Variants in KCNT2 observed in about 807,000 individuals in gnomAD.
KCNT2 encodes the protein potassium sodium-activated channel subfamily T member 2, also known as potassium channel subfamily T member 2.
Under a neutral mutation model 153.8 loss-of-function variants are expected in KCNT2, and 67 were observed. The ratio of observed to expected loss-of-function variants is 0.44; its 90% CI spans 0.36 to 0.53. KCNT2 has a LOEUF of 0.53. Ranked by LOEUF, KCNT2 falls within the 20% of genes least tolerant of loss-of-function variation. KCNT2 has a pLI of 0.00. For synonymous variants in KCNT2, 500 were observed against 458.8 expected (o/e 1.09, Z -1.15); for missense variants, 975 against 1,354.8 (o/e 0.72, Z 4.40).
rs754184253 is a variant in KCNT2, at chr1:196,428,289, T to G, written c.820-20A>C. 2.3e-5 allele frequency: 37 copies of G among 1,588,790 alleles called. No individual in the cohort carries two copies. The Middle Eastern group carries it at 6.7e-4, about 29-fold the overall frequency. ...TTCAAACTGTAATATATTTTCCACA[T>G]GTGAATGAAAAACACAGTAAGGAAA... On this transcript the variant is annotated intron_variant, in intron 9 of 27. Coordinates refer to ENST00000294725, the MANE Select transcript of KCNT2 (RefSeq NM_198503.5).
intron 13 of KCNT2, among the ~76,000 whole-genome samples, chr1:196,391,566 GTTAA>G (rs1670497777): frequency 6.6e-6 from 1 of 151,308 alleles, no homozygotes; most frequent in South Asian, 2.1e-4. Flanking sequence ...GATTATTTTA[GTTAA>G]TTAAGTCATA....
intron 1 of KCNT2, among the ~76,000 whole-genome samples, chr1:196,545,987 G>A (rs903896972): frequency 3.9e-5 from 6 of 151,958 alleles, no homozygotes; most frequent in Admixed American, 6.6e-5. Flanking sequence ...AAATATTAAC[G>A]TACAAGCCTT....
chr1:196,498,302 C>A (rs763453710), intron 1 of KCNT2, among the ~76,000 whole-genome samples: 50 of 152,190 alleles, frequency 3.3e-4, no homozygotes, highest in Non-Finnish European at 6.0e-4. Flanking sequence ...AGTGCCAGTG[C>A]CTTGATACCT....
intron 26 of KCNT2, among the ~76,000 whole-genome samples, chr1:196,239,231 TACG>T (rs1213528982): frequency 6.6e-6 from 1 of 151,804 alleles, no homozygotes; most frequent in Non-Finnish European, 1.5e-5. Context: ...ATAACCAAAA[TACG>T]ACATTAGCAA....
intron 14 of KCNT2, among the ~76,000 whole-genome samples, chr1:196,345,101 T>C (rs1457912866): frequency 3.9e-5 from 6 of 152,162 alleles, no homozygotes; most frequent in Admixed American, 3.9e-4. Flanking sequence ...GGAAAGGCTT[T>C]AGATTCAAAG....
chr1:196,262,703 A>G (rs112862450), intron 25 of KCNT2, among the ~76,000 whole-genome samples: 176 of 152,210 alleles, frequency 1.2e-3, no homozygotes, highest in Non-Finnish European at 2.1e-3. Flanking sequence ...GTGGTCTGTG[A>G]TCTATGCAGA....
At chr1:196,558,739 A>G (rs1214749271) in intron 1 of KCNT2, among the ~76,000 whole-genome samples, 4 of 151,618 alleles carry the variant, frequency 2.6e-5, no homozygotes, top group East Asian at 1.9e-4. Context: ...TAAAGTTGAC[A>G]CATCTTTTCT....
At chr1:196,576,108 GTA>G (rs368755622) in intron 1 of KCNT2, among the ~76,000 whole-genome samples, 3 of 148,632 alleles carry the variant, frequency 2.0e-5, no homozygotes, top group African/African-American at 7.4e-5. Context: ...GTGTGTGTGT[GTA>G]TATATATATC....
chr1:196,599,065 G>A (rs1572939926), intron 1 of KCNT2, among the ~76,000 whole-genome samples: 1 of 152,220 alleles, frequency 6.6e-6, no homozygotes, highest in Admixed American at 6.5e-5. Context: ...ACATGGTGTG[G>A]CAGTGACAGA....
chr1:196,461,415 TTAACA>T (rs1274539322), intron 8 of KCNT2, among the ~76,000 whole-genome samples: 1 of 151,732 alleles, frequency 6.6e-6, no homozygotes, highest in African/African-American at 2.4e-5. Context: ...AGGAAATCAG[TTAACA>T]TAATATAGTT....
intron 14 of KCNT2, among the ~76,000 whole-genome samples, chr1:196,365,096 C>G (rs913657676): frequency 6.6e-6 from 1 of 151,952 alleles, no homozygotes; most frequent in Non-Finnish European, 1.5e-5. Context: ...TTTCTTTGGT[C>G]TCATAAATCA....
intron 8 of KCNT2, among the ~76,000 whole-genome samples, chr1:196,462,853 T>A (rs1025655690): frequency 1.3e-5 from 2 of 151,742 alleles, no homozygotes; most frequent in Non-Finnish European, 3.0e-5. Context: ...AGTTGTTTTT[T>A]CTTTTTTGTG....
intron 8 of KCNT2, among the ~76,000 whole-genome samples, chr1:196,462,120 A>G (rs769263449): frequency 6.6e-6 from 1 of 151,712 alleles, no homozygotes; most frequent in Non-Finnish European, 1.5e-5. Context: ...TCATATGAGA[A>G]ATATTTCTCA....
intron 18 of KCNT2, among the ~76,000 whole-genome samples, chr1:196,328,827 G>A (rs1164736189): frequency 6.6e-6 from 1 of 151,936 alleles, no homozygotes; most frequent in Admixed American, 6.6e-5. Context: ...AAATTCTAAG[G>A]TATAAGAAAG....
intron 14 of KCNT2, among the ~76,000 whole-genome samples, chr1:196,352,751 T>G (rs1666839332): frequency 6.6e-6 from 1 of 152,132 alleles, no homozygotes; most frequent in African/African-American, 2.4e-5. Context: ...CTGCTAGCTT[T>G]TGAATGTGTT....
In KCNT2 at chr1:196,443,983, A is replaced by C. The variant is rs1675468875; in HGVS notation, c.639-14226T>G. 2.6e-5 allele frequency among the ~76,000 whole-genome samples: 4 copies of C among 151,638 alleles called. No homozygotes were observed. In the South Asian group the frequency reaches 8.3e-4, roughly 31 times the overall value. On this transcript the variant is annotated intron_variant, in intron 8 of 27. Coordinates refer to ENST00000294725, the MANE Select transcript of KCNT2 (RefSeq NM_198503.5). Reference sequence around the variant, plus strand: ...TAACTAAAATGTAAGATATATTCCCAAAAGAAAAATATAAGAAGAAATGAT... The same window carrying C: ...TAACTAAAATGTAAGATATATTCCCCAAAGAAAAATATAAGAAGAAATGAT...
intron 22 of KCNT2, among the ~76,000 whole-genome samples, chr1:196,302,669 C>T (rs1244631530): frequency 6.6e-6 from 1 of 151,602 alleles, no homozygotes; most frequent in Non-Finnish European, 1.5e-5. Flanking sequence ...CTATGGTCTC[C>T]TTTGAAGTTG....
intron 1 of KCNT2, among the ~76,000 whole-genome samples, chr1:196,509,232 GC>G (rs1352862808): frequency 6.8e-6 from 1 of 146,284 alleles, no homozygotes; most frequent in Non-Finnish European, 1.5e-5. Flanking sequence ...TAGTGCCACT[GC>G]CCTCCAGCCG....
intron 8 of KCNT2, among the ~76,000 whole-genome samples, chr1:196,432,413 T>C (rs889669290): frequency 6.6e-6 from 1 of 152,092 alleles, no homozygotes; most frequent in African/African-American, 2.4e-5. Context: ...CTGGAGATGC[T>C]AGACCCCAAC....
Sources: allele counts gnomAD v4.1 joint callset (sites outside exome capture counted in the v4.1 genomes callset), GRCh38; gene constraint gnomAD v4.1.1; transcripts MANE v1.5; gene names NCBI Gene and HGNC (gene_info 2026-07-23, HGNC 2026-07-21).